ZNF804A: variants seen among roughly 807,000 people sequenced by gnomAD.
ZNF804A encodes the protein zinc finger protein 804A.
Under a neutral mutation model 16.5 loss-of-function variants are expected in ZNF804A, and 2 were observed. That is an observed-to-expected ratio of 0.12 (90% CI 0.05 to 0.38). ZNF804A has a LOEUF of 0.38. Ranked by LOEUF, ZNF804A falls within the 10% of genes least tolerant of loss-of-function variation. ZNF804A has a pLI of 0.99. For synonymous variants in ZNF804A, 534 were observed against 489.6 expected (o/e 1.09, Z -1.20); for missense variants, 1,473 against 1,390.7 (o/e 1.06, Z -0.94).
At chr2:184,933,013 G>C (rs1685726866) in intron 2 of ZNF804A, among the ~76,000 whole-genome samples, 1 of 152,026 alleles carries the variant, frequency 6.6e-6, no homozygotes, top group African/African-American at 2.4e-5. Flanking sequence ...CATCAGGAGA[G>C]ATCATTTGTC....
intron 1 of ZNF804A, among the ~76,000 whole-genome samples, chr2:184,724,285 C>T (rs1312184202): frequency 6.6e-6 from 1 of 151,506 alleles, no homozygotes; most frequent in Admixed American, 6.6e-5. Context: ...AATGAAGTAC[C>T]GCATGTAGAA....
At chr2:184,769,532 G>A (rs1018331360) in intron 1 of ZNF804A, among the ~76,000 whole-genome samples, 2 of 151,984 alleles carry the variant, frequency 1.3e-5, no homozygotes, top group African/African-American at 4.8e-5. Flanking sequence ...GAAATCCTGA[G>A]TCTTTTTTTA....
In ZNF804A at chr2:184,604,151, T is replaced by A. The variant is rs1010822212; in HGVS notation, c.111+5081T>A. ...GTTATGGATGACTGCAATTACTTTT[T>A]TTTTTTTTTTTTTTTTTTTTTTTTT... On this transcript the variant is annotated intron_variant, in intron 1 of 3. Coordinates refer to ENST00000302277, the MANE Select transcript of ZNF804A (RefSeq NM_194250.2). Among the ~76,000 whole-genome samples, 4 of 39,726 alleles carry A rather than the reference T, an allele frequency of 1.0e-4. No individual in the cohort carries two copies. In the Admixed American group the frequency reaches 1.0e-3, roughly 10 times the overall value. 26.1% of individuals were successfully genotyped at this position (39,726 alleles called of 152,430 possible).
chr2:184,939,181 A>G lies in ZNF804A; in HGVS notation c.*155A>G. 1 of 866,070 alleles carries G rather than the reference A, an allele frequency of 1.2e-6. No individual in the cohort carries two copies. The highest frequency in any genetic ancestry group is 1.8e-6 in the Non-Finnish European group (1 of 568,866). The allele number at this position is 866,070 out of a possible 1,614,324, so 53.6% of individuals were successfully genotyped here. ...GAAATCATTTACTGTAAGTGCAATG[A>G]TGCAAATAAATCCCTAAGTTTCTGA... On this transcript the variant is annotated 3_prime_UTR_variant, in exon 4 of 4. Transcript: ENST00000302277.
intron 2 of ZNF804A, among the ~76,000 whole-genome samples, chr2:184,867,640 C>T (rs1695894825): frequency 6.6e-6 from 1 of 151,934 alleles, no homozygotes. Context: ...ATCTGTTGGC[C>T]CACTGGTTAA....
chr2:184,802,537 C>T (rs1694743757), intron 1 of ZNF804A, among the ~76,000 whole-genome samples: 1 of 152,130 alleles, frequency 6.6e-6, no homozygotes, highest in Non-Finnish European at 1.5e-5. Context: ...TTTAACTGTT[C>T]ATAACAGTTT....
intron 2 of ZNF804A, among the ~76,000 whole-genome samples, chr2:184,893,849 C>T (rs1243104376): frequency 1.3e-5 from 2 of 152,102 alleles, no homozygotes; most frequent in African/African-American, 4.8e-5. Flanking sequence ...TATAGTTTCA[C>T]TTTATTCCCT....
chr2:184,695,546 C>G (rs1692818412), intron 1 of ZNF804A, among the ~76,000 whole-genome samples: 1 of 150,486 alleles, frequency 6.6e-6, no homozygotes, highest in Non-Finnish European at 1.5e-5. Context: ...GTTTTGTTCC[C>G]CAGGCTGGAG....
intron 2 of ZNF804A, among the ~76,000 whole-genome samples, chr2:184,876,949 C>G (rs576096266): frequency 6.6e-6 from 1 of 152,030 alleles, no homozygotes; most frequent in East Asian, 1.9e-4. Context: ...ATAAATTCAA[C>G]TTAGCACTGT....
chr2:184,783,436 G>A (rs958307425), intron 1 of ZNF804A, among the ~76,000 whole-genome samples: 1 of 151,592 alleles, frequency 6.6e-6, no homozygotes, highest in African/African-American at 2.4e-5. Context: ...AAAATCTTAC[G>A]ATGTACTGAA....
intron 1 of ZNF804A, among the ~76,000 whole-genome samples, chr2:184,841,094 T>C (rs1695429999): frequency 6.6e-6 from 1 of 152,192 alleles, no homozygotes. Flanking sequence ...TCCAGTCATC[T>C]GGGTGTAATT....
At chr2:184,879,477 C>G (rs986038544) in intron 2 of ZNF804A, among the ~76,000 whole-genome samples, 1 of 151,862 alleles carries the variant, frequency 6.6e-6, no homozygotes, top group Admixed American at 6.6e-5. Flanking sequence ...CAACCGTGCA[C>G]CTATGGTAAA....
At chr2:184,883,797 T>C (rs1684846137) in intron 2 of ZNF804A, among the ~76,000 whole-genome samples, 1 of 152,046 alleles carries the variant, frequency 6.6e-6, no homozygotes, top group Non-Finnish European at 1.5e-5. Context: ...TGAAGGAACA[T>C]ATTTCAAAAT....
chr2:184,847,764 A>G (rs1465334783), intron 1 of ZNF804A, among the ~76,000 whole-genome samples: 1 of 152,052 alleles, frequency 6.6e-6, no homozygotes, highest in Non-Finnish European at 1.5e-5. Flanking sequence ...TGTACTTCTG[A>G]CCATTGGCTC....
chr2:184,711,591 T>A (rs1693126654), intron 1 of ZNF804A, among the ~76,000 whole-genome samples: 1 of 151,736 alleles, frequency 6.6e-6, no homozygotes, highest in Non-Finnish European at 1.5e-5. Flanking sequence ...TCTAATGCCA[T>A]GAATCTCTCC....
At chr2:184,869,626 A>T (rs955003831) in intron 2 of ZNF804A, among the ~76,000 whole-genome samples, 13 of 151,984 alleles carry the variant, frequency 8.6e-5, no homozygotes, top group African/African-American at 2.9e-4. Context: ...TACTTACTAA[A>T]TTTTTTTTCT....
chr2:184,664,995 A>T (rs1304428617), intron 1 of ZNF804A, among the ~76,000 whole-genome samples: 1 of 152,204 alleles, frequency 6.6e-6, no homozygotes, highest in Non-Finnish European at 1.5e-5. Context: ...TAATTTTTTA[A>T]GAAGCACACC....
chr2:184,920,120 C>A (rs1426100948), intron 2 of ZNF804A, among the ~76,000 whole-genome samples: 1 of 151,970 alleles, frequency 6.6e-6, no homozygotes, highest in Non-Finnish European at 1.5e-5. Flanking sequence ...ATCTAAAAAA[C>A]AACAAACAAA....
intron 1 of ZNF804A, among the ~76,000 whole-genome samples, chr2:184,623,928 A>C (rs1015837214): frequency 2.6e-5 from 4 of 152,204 alleles, no homozygotes; most frequent in Non-Finnish European, 5.9e-5. Flanking sequence ...TGATTTTAAG[A>C]GGAAAGCATA....
Sources: gnomAD v4.1 joint callset for allele counts (sites outside exome capture counted in the v4.1 genomes callset) on GRCh38, gnomAD v4.1.1 for gene constraint, MANE v1.5 for transcripts, NCBI Gene and HGNC (gene_info 2026-07-23, HGNC 2026-07-21) for gene names.